AFAP1: variants seen among roughly 807,000 people sequenced by gnomAD.
AFAP1 encodes actin filament-associated protein 1.
In AFAP1, 75 loss-of-function variants were observed where a neutral mutation model predicts 93.9. The observed-to-expected ratio is 0.80, with a 90% CI of 0.66 to 0.97. The LOEUF (loss-of-function observed/expected upper bound fraction) is 0.97. AFAP1 is among the 50% of genes least tolerant of loss of function. The pLI is 0.00. For synonymous variants in AFAP1, 517 were observed against 430.7 expected, an observed-to-expected ratio of 1.20 and a Z score of -2.48; for missense variants, 1,201 against 1,050.8, an observed-to-expected ratio of 1.14 and a Z score of -1.98.
rs561051799 is a variant in AFAP1, at chr4:7,786,194, C to T, written c.1530G>A (p.Ser510=). ...ATTACTCCAAAAAAAGGGCACTCAC[C>T]GAGCCGTTGATGCACGGGACATCGT... ...HYDDVPCING[S]WEPEDGFPAS... Residue 510 remains serine (S), a splice_region_variant and synonymous_variant, in exon 12 of 18, where the codon TCG becomes TCA. Transcript: ENST00000420658. The T allele has an allele frequency of 4.3e-6, 7 of 1,613,158 alleles. No homozygotes were observed. The highest frequency in any genetic ancestry group is 2.2e-5 in the East Asian group (1 of 44,870).
Position 7,818,975 on chromosome 4 carries a change from C to A in AFAP1, c.822+101G>T, listed in dbSNP as rs1020452176. 6 of 1,139,804 alleles carry A rather than the reference C, an allele frequency of 5.3e-6. No individual in the cohort carries two copies. In the African/African-American group the frequency reaches 7.8e-5, roughly 15 times the overall value. The allele number at this position is 1,139,804 out of a possible 1,614,324, so 70.6% of individuals were successfully genotyped here. A position where few individuals can be genotyped will look rare whatever the true frequency, so the allele number is the denominator to read the frequency against. On this transcript the variant is annotated intron_variant, in intron 7 of 17. Transcript: ENST00000420658. ...CACGACTGCACTTTTTCTTTTTTAA[C>A]TGGAAGCGCTGAAATTCTCAGAGAT...
At chr4:7,889,542 C>CAAAAA (rs576725041) in intron 1 of AFAP1, among the ~76,000 whole-genome samples, 1 of 60,680 alleles carries the variant, frequency 1.6e-5, no homozygotes, top group African/African-American at 6.0e-5. Context: ...AACTCCATCC[C>CAAAAA]AAAAAAAAAA....
At chr4:7,831,335 A>T (rs1577264824) in intron 6 of AFAP1, among the ~76,000 whole-genome samples, 1 of 152,086 alleles carries the variant, frequency 6.6e-6, no homozygotes, top group Non-Finnish European at 1.5e-5. Context: ...TAAACTCTTT[A>T]GAAAAGATAC....
intron 4 of AFAP1, among the ~76,000 whole-genome samples, chr4:7,850,685 T>C (rs1379283418): frequency 1.3e-5 from 2 of 152,232 alleles, no homozygotes; most frequent in African/African-American, 4.8e-5. Flanking sequence ...CTGTGGCATG[T>C]TGCGCACCCT....
At chr4:7,862,662 C>A (rs890174018) in intron 3 of AFAP1, among the ~76,000 whole-genome samples, 14 of 152,180 alleles carry the variant, frequency 9.2e-5, no homozygotes, top group African/African-American at 3.1e-4. Context: ...AAAGGCATCA[C>A]ATTTACATAA....
At chr4:7,863,963 C>G (rs111759696) in intron 3 of AFAP1, among the ~76,000 whole-genome samples, 3 of 142,272 alleles carry the variant, frequency 2.1e-5, no homozygotes, top group Admixed American at 6.9e-5. Flanking sequence ...TCCCAACTTC[C>G]CATCACAACC....
intron 7 of AFAP1, 121 bp downstream of exon 7, chr4:7,818,955 C>G (rs1433421158): frequency 1.1e-6 from 1 of 886,746 alleles, no homozygotes. Flanking sequence ...GGAAGCACGA[C>G]TGCACTTTTT....
intron 4 of AFAP1, among the ~76,000 whole-genome samples, chr4:7,844,446 G>A (rs796501171): frequency 2.0e-5 from 3 of 152,278 alleles, no homozygotes; most frequent in African/African-American, 7.2e-5. Flanking sequence ...CCCAGTGGTG[G>A]CATTTGTCAC....
chr4:7,858,468 A>G (rs895671175), intron 3 of AFAP1, among the ~76,000 whole-genome samples: 1 of 152,198 alleles, frequency 6.6e-6, no homozygotes, highest in Non-Finnish European at 1.5e-5. Context: ...GGCTTGTTAA[A>G]GTCAAACAGG....
intron 1 of AFAP1, among the ~76,000 whole-genome samples, chr4:7,902,295 C>T (rs1300915446): frequency 4.6e-5 from 7 of 152,202 alleles, no homozygotes; most frequent in African/African-American, 1.7e-4. Flanking sequence ...TATCCCACCT[C>T]GCCATCTGCT....
intron 14 of AFAP1, 66 bp from the exon 15 acceptor site, chr4:7,774,969 C>T: frequency 6.4e-7 from 1 of 1,555,482 alleles, no homozygotes; most frequent in Non-Finnish European, 8.7e-7. Flanking sequence ...TGGGACGATC[C>T]CTTCTCCACA....
At chr4:7,892,065 A>G (rs1718502840) in intron 1 of AFAP1, among the ~76,000 whole-genome samples, 1 of 152,216 alleles carries the variant, frequency 6.6e-6, no homozygotes, top group African/African-American at 2.4e-5. Context: ...AAAAAAAGAA[A>G]AAAAAGAAAA....
intron 1 of AFAP1, among the ~76,000 whole-genome samples, chr4:7,932,886 G>T (rs1357328236): frequency 6.6e-6 from 1 of 151,998 alleles, no homozygotes; most frequent in African/African-American, 2.4e-5. Flanking sequence ...CAGGCTTGGT[G>T]GCACGTGCCT....
At chr4:7,855,317 T>A in intron 4 of AFAP1, 149 bp downstream of exon 4, 3 of 611,758 alleles carry the variant, frequency 4.9e-6, no homozygotes, top group Non-Finnish European at 8.5e-6. Context: ...AAACCTTTCC[T>A]GTACTGACAA....
At chr4:7,804,900 T>G (rs1394102697) in intron 9 of AFAP1, among the ~76,000 whole-genome samples, 4 of 152,174 alleles carry the variant, frequency 2.6e-5, no homozygotes. Context: ...AAACCAAATG[T>G]CAGGAAACTG....
chr4:7,780,662 A>ATTTTT, intron 13 of AFAP1, among the ~76,000 whole-genome samples: 1 of 151,836 alleles, frequency 6.6e-6, no homozygotes, highest in Non-Finnish European at 1.5e-5. Flanking sequence ...TTTTTTTAAA[A>ATTTTT]AGGCCTAACA....
intron 6 of AFAP1, among the ~76,000 whole-genome samples, chr4:7,827,569 C>CAAAAAAAAAAAAAATAAA (rs1721538609): frequency 1.9e-5 from 1 of 52,254 alleles, no homozygotes; most frequent in Non-Finnish European, 3.4e-5. Flanking sequence ...ACTCTGTCTC[C>CAAAAAAAAAAAAAATAAA]AAAAAAAAAA....
intron 9 of AFAP1, among the ~76,000 whole-genome samples, chr4:7,805,726 G>A (rs1560170014): frequency 6.6e-6 from 1 of 152,206 alleles, no homozygotes; most frequent in Non-Finnish European, 1.5e-5. Context: ...GCCAAGCTCT[G>A]CACGGTGCTG....
At chr4:7,851,522 G>A (rs1338190628) in intron 4 of AFAP1, among the ~76,000 whole-genome samples, 3 of 152,338 alleles carry the variant, frequency 2.0e-5, no homozygotes, top group Non-Finnish European at 2.9e-5. Context: ...ATGGGCACAT[G>A]ATGTAAACAG....
Sources: gnomAD v4.1 joint callset for allele counts (sites outside exome capture counted in the v4.1 genomes callset) on GRCh38, gnomAD v4.1.1 for gene constraint, MANE v1.5 for transcripts, NCBI Gene and HGNC (gene_info 2026-07-23, HGNC 2026-07-21) for gene names.